Variants in SWAP70 observed in about 807,000 individuals in gnomAD.
SWAP70 encodes switch-associated protein 70.
A neutral mutation model predicts 80.2 loss-of-function variants in SWAP70; 34 were observed. The ratio of observed to expected loss-of-function variants is 0.42; its 90% CI spans 0.32 to 0.56. SWAP70 has a LOEUF of 0.56. SWAP70 is among the 20% of genes least tolerant of loss of function. SWAP70 has a pLI of 0.09. For missense variants in SWAP70, 578 were observed against 690.7 expected, an observed-to-expected ratio of 0.84 and a Z score of 1.83; for synonymous variants, 239 against 238.5, an observed-to-expected ratio of 1.00 and a Z score of -0.02.
chr11:9,711,877 C>T (rs529452802), intron 2 of SWAP70, among the ~76,000 whole-genome samples: 21 of 152,272 alleles, frequency 1.4e-4, no homozygotes, highest in African/African-American at 4.8e-4. Flanking sequence ...TGCACTTACA[C>T]GAAGAGCCTT....
intron 7 of SWAP70, among the ~76,000 whole-genome samples, chr11:9,736,195 G>T (rs933277326): frequency 4.0e-5 from 6 of 151,860 alleles, no homozygotes; most frequent in Non-Finnish European, 7.4e-5. Flanking sequence ...TTTCCATTTG[G>T]TTTTTTCTGT....
rs145122552 is a variant in SWAP70, at chr11:9,748,546, G to C, written c.1554+490G>C. ...CACTGGGAGGCCACCGGCAAAAGCTGCCCACAGGGAGGTGCTACAGAAACT... is the reference window on the plus strand; with the variant it reads ...CACTGGGAGGCCACCGGCAAAAGCTCCCCACAGGGAGGTGCTACAGAAACT... On this transcript the variant is annotated intron_variant, in intron 10 of 11. Coordinates refer to ENST00000318950, the MANE Select transcript of SWAP70 (RefSeq NM_015055.4). 5.4e-4 allele frequency among the ~76,000 whole-genome samples: 83 copies of C among 152,356 alleles called. No homozygotes were observed. In the East Asian group the frequency reaches 0.015, roughly 28 times the overall value.
intron 1 of SWAP70, among the ~76,000 whole-genome samples, chr11:9,690,712 A>AC (rs369947623): frequency 3.9e-5 from 6 of 152,194 alleles, no homozygotes; most frequent in African/African-American, 1.2e-4. Flanking sequence ...ACATAGTGAG[A>AC]CCCCATCTCT....
In SWAP70 at chr11:9,671,985, A is replaced by G. The variant is rs866229196; in HGVS notation, c.99+7707A>G. Among the ~76,000 whole-genome samples the G allele has an allele frequency of 7.7e-3, 890 of 115,446 alleles. 11 individuals carry two copies. Among genetic ancestry groups the G allele is most frequent in the Middle Eastern group, 0.034 (3 of 88 alleles). 75.7% of individuals were successfully genotyped at this position (115,446 alleles called of 152,430 possible). On this transcript the variant is annotated intron_variant, in intron 1 of 11. Transcript: ENST00000318950. The stretch of plus-strand genomic sequence containing the variant: ...TATTTTATATGTTATATATTTTTCT[A>G]TATTTTATATAATATATAAAATATA...
At chr11:9,716,609 T>A (rs1851069323) in intron 3 of SWAP70, among the ~76,000 whole-genome samples, 1 of 152,226 alleles carries the variant, frequency 6.6e-6, no homozygotes, top group African/African-American at 2.4e-5. Context: ...TTAAAGTGCC[T>A]GGACCCATGG....
At position 9,740,414 on chromosome 11, in the gene SWAP70, G is replaced by C. The variant is rs114203885; in HGVS notation, c.1355+67G>C. 6.0e-4 allele frequency: 885 copies of C among 1,484,404 alleles called. 3 individuals are homozygous for C. In the African/African-American group the frequency reaches 0.011, roughly 18 times the overall value. 92.0% of individuals were successfully genotyped at this position (1,484,404 alleles called of 1,614,324 possible). A position where few individuals can be genotyped will look rare whatever the true frequency, so the allele number is the denominator to read the frequency against. On this transcript the variant is annotated intron_variant, in intron 9 of 11. Transcript: ENST00000318950. ...CTGGGCTAATACAGTTTCTTGGAATGACTAACACTCTGGTGGAGAGGGAGA... is the reference window on the plus strand; with the variant it reads ...CTGGGCTAATACAGTTTCTTGGAATCACTAACACTCTGGTGGAGAGGGAGA...
chr11:9,743,289 C>T (rs1277162409), intron 9 of SWAP70, among the ~76,000 whole-genome samples: 5 of 150,292 alleles, frequency 3.3e-5, no homozygotes, highest in Non-Finnish European at 7.4e-5. Flanking sequence ...TTTCTTCATC[C>T]AGTCTATCAT....
intron 2 of SWAP70, 32 bp downstream of exon 2, chr11:9,694,318 T>G: frequency 6.4e-7 from 1 of 1,572,654 alleles, no homozygotes; most frequent in Non-Finnish European, 8.6e-7. Flanking sequence ...GGGTGTAGCA[T>G]TGTTTGGTTT....
intron 1 of SWAP70, 92 bp downstream of exon 1, chr11:9,664,370 C>T (rs1245442322): frequency 1.1e-5 from 15 of 1,388,294 alleles, no homozygotes; most frequent in Middle Eastern, 2.4e-4. Context: ...GGGCCGTGAC[C>T]GCAGGGCGGG....
chr11:9,745,802 G>C (rs571888496), intron 9 of SWAP70, among the ~76,000 whole-genome samples: 14 of 152,348 alleles, frequency 9.2e-5, no homozygotes, highest in Admixed American at 8.5e-4. Context: ...GAAGTCTTTA[G>C]TCAGGAGTCT....
chr11:9,678,636 CATTTTGT>C (rs1266633470), intron 1 of SWAP70, among the ~76,000 whole-genome samples: 1 of 150,270 alleles, frequency 6.7e-6, no homozygotes, highest in Non-Finnish European at 1.5e-5. Context: ...CTCTGATCTC[CATTTTGT>C]ATTTCCTTTG....
chr11:9,729,411 C>T lies in SWAP70; in HGVS notation c.858C>T (p.Ile286=). The change falls in exon 6 of 12, where the codon ATC becomes ATT. Residue 286 remains isoleucine, a synonymous_variant. Coordinates refer to ENST00000318950, the MANE Select transcript of SWAP70 (RefSeq NM_015055.4). ...AATGTTTTGATAAGACTTTTGAAAT[C>T]AGTGCTTCAGATAAGAAGAAGAAAC... is the stretch of plus-strand genomic sequence containing the variant. ...LVKCFDKTFE[I]SASDKKKKQE... 6.2e-7 allele frequency: 1 copy of T among 1,613,304 alleles called. No individual in the cohort carries two copies. Among genetic ancestry groups the T allele is most frequent in the Non-Finnish European group, 8.5e-7 (1 of 1,179,498 alleles).
chr11:9,738,352 C>A, intron 8 of SWAP70, 32 bp downstream of exon 8: 1 of 1,523,546 alleles, frequency 6.6e-7, no homozygotes, highest in Non-Finnish European at 8.9e-7. Context: ...AAAGCAGCTG[C>A]AGTAGCTCAG....
chr11:9,675,843 A>G (rs2134426566), intron 1 of SWAP70, among the ~76,000 whole-genome samples: 1 of 152,084 alleles, frequency 6.6e-6, no homozygotes, highest in South Asian at 2.1e-4. Flanking sequence ...ACCTGAGTTG[A>G]GAGTACGTAG....
At position 9,664,085 on chromosome 11, in the gene SWAP70, G is replaced by A; in HGVS notation, c.-95G>A. 1.6e-6 allele frequency: 2 copies of A among 1,246,592 alleles called. No individual in the cohort carries two copies. The highest frequency in any genetic ancestry group is 3.2e-5 in the South Asian group (2 of 61,582). The allele number at this position is 1,246,592 out of a possible 1,614,324, so 77.2% of individuals were successfully genotyped here. On this transcript the variant is annotated 5_prime_UTR_variant, in exon 1 of 12. Coordinates refer to ENST00000318950, the MANE Select transcript of SWAP70 (RefSeq NM_015055.4). ...GCGGGGCCTGGCGGGTCAGGTGACT[G>A]CGCGGCGGGCTGTGGCTGCGGAGGT...
chr11:9,748,370 C>G (rs568218837), intron 10 of SWAP70, among the ~76,000 whole-genome samples: 1 of 152,174 alleles, frequency 6.6e-6, no homozygotes, highest in Non-Finnish European at 1.5e-5. Flanking sequence ...GCCACTGCCT[C>G]GAAAACTGAG....
intron 4 of SWAP70, 38 bp downstream of exon 4, chr11:9,724,923 G>A: frequency 3.1e-6 from 4 of 1,306,690 alleles, no homozygotes; most frequent in Non-Finnish European, 4.3e-6. Context: ...CTCATCTTTA[G>A]AATTTGACAT....
intron 3 of SWAP70, 109 bp downstream of exon 3, chr11:9,713,748 A>G: frequency 7.6e-7 from 1 of 1,310,740 alleles, no homozygotes; most frequent in Non-Finnish European, 1.0e-6. Flanking sequence ...ATCCTTGGCT[A>G]GTGTTTTTGG....
intron 2 of SWAP70, among the ~76,000 whole-genome samples, chr11:9,698,351 T>A (rs375536421): frequency 9.2e-5 from 14 of 151,694 alleles, no homozygotes; most frequent in African/African-American, 3.4e-4. Flanking sequence ...TCTGCCCCCA[T>A]TGGCCTCCCA....
Sources: gnomAD v4.1 joint callset for allele counts (sites outside exome capture counted in the v4.1 genomes callset) on GRCh38, gnomAD v4.1.1 for gene constraint, MANE v1.5 for transcripts, NCBI Gene and HGNC (gene_info 2026-07-23, HGNC 2026-07-21) for gene names.